The following SCAF11 variants were observed in gnomAD, a reference collection of about 807,000 sequenced individuals.
SCAF11 encodes protein SCAF11.
A neutral mutation model predicts 140.5 loss-of-function variants in SCAF11; 47 were observed. The observed-to-expected ratio is 0.33, with a 90% CI of 0.26 to 0.43. The LOEUF (loss-of-function observed/expected upper bound fraction) is 0.43, where lower values mean the gene tolerates loss of function less well. SCAF11 is among the 20% of genes least tolerant of loss of function. The pLI is 1.00. For missense variants in SCAF11, 1,645 were observed against 1,705.1 expected (o/e 0.96, Z 0.62); for synonymous variants, 557 against 579.4 (o/e 0.96, Z 0.55).
intron 1 of SCAF11, among the ~76,000 whole-genome samples, chr12:45,968,925 TAAAG>T (rs1236672585): frequency 3.9e-5 from 6 of 152,130 alleles, no homozygotes; most frequent in Non-Finnish European, 8.8e-5. Flanking sequence ...GACTCCATCT[TAAAG>T]AACACCCAAA....
intron 3 of SCAF11, among the ~76,000 whole-genome samples, chr12:45,957,747 A>T (rs1945726366): frequency 6.6e-6 from 1 of 152,174 alleles, no homozygotes; most frequent in African/African-American, 2.4e-5. Context: ...AGATATCAAG[A>T]ACATCCTCAT....
intron 1 of SCAF11, among the ~76,000 whole-genome samples, chr12:45,970,759 AC>A (rs1330213014): frequency 6.6e-6 from 1 of 152,260 alleles, no homozygotes; most frequent in Admixed American, 6.5e-5. Context: ...TCTTGTGCTT[AC>A]CAGATAAATG....
At chr12:45,973,172 T>C (rs1003851704) in intron 1 of SCAF11, among the ~76,000 whole-genome samples, 12 of 146,470 alleles carry the variant, frequency 8.2e-5, no homozygotes, top group Non-Finnish European at 1.5e-4. Flanking sequence ...GAAATAAAAA[T>C]ACACTGAATA....
intron 9 of SCAF11, among the ~76,000 whole-genome samples, chr12:45,932,905 A>C (rs1426220404): frequency 6.6e-6 from 1 of 152,164 alleles, no homozygotes; most frequent in Non-Finnish European, 1.5e-5. Flanking sequence ...TAAATCTAGC[A>C]TATACACAGC....
Position 45,926,282 on chromosome 12 carries a change from G to C in SCAF11, c.3419C>G (p.Ser1140Cys), listed in dbSNP as rs1245685294. The C allele has an allele frequency of 5.0e-6, 8 of 1,614,132 alleles. No homozygotes were observed. The highest frequency in any genetic ancestry group is 5.9e-6 in the Non-Finnish European group (7 of 1,180,020). ...EFSFDTPADR[S>C]GWTSASSWAV... is the part of the protein sequence containing the mutation. Reference sequence around the variant, plus strand: ...CCAGCTGGATGCAGATGTCCATCCAGATCTATCTGCTGGTGTATCAAATGA... The same window carrying C: ...CCAGCTGGATGCAGATGTCCATCCACATCTATCTGCTGGTGTATCAAATGA... The change falls in exon 11 of 15, where the codon TCT (serine) becomes TGT (cysteine). Residue 1140 changes from serine to cysteine, a missense_variant. Physicochemically the swap from Ser to Cys is moderately radical, Grantham distance 112. This residue lies in a region of SCAF11 where 1,582 missense variants were observed against 1,609.2 expected (regional missense o/e 0.98). Transcript: ENST00000369367.
intron 6 of SCAF11, among the ~76,000 whole-genome samples, chr12:45,935,399 G>A (rs1376462197): frequency 5.3e-5 from 8 of 152,178 alleles, no homozygotes; most frequent in Non-Finnish European, 8.8e-5. Context: ...CGAACAGGCT[G>A]AGTTCCGGAA....
At chr12:45,924,399 CAG>C (rs926584470) in intron 12 of SCAF11, among the ~76,000 whole-genome samples, 10 of 152,038 alleles carry the variant, frequency 6.6e-5, no homozygotes, top group African/African-American at 9.7e-5. Context: ...CAGTGCAAAA[CAG>C]GGGAAAAATG....
chr12:45,958,139 G>C (rs1032697326), intron 3 of SCAF11, among the ~76,000 whole-genome samples: 1 of 151,532 alleles, frequency 6.6e-6, no homozygotes, highest in Admixed American at 6.6e-5. Flanking sequence ...TCCTGGGCTC[G>C]AGTGATCCAC....
rs541631818 is a variant in SCAF11, at chr12:45,919,407, C to T, written c.*2641G>A. ...CTTTTGGAATGTTAATGGATAACTACTATTAGTCTCAAAATTCTAGGCATT... is the reference window on the plus strand; with the variant it reads ...CTTTTGGAATGTTAATGGATAACTATTATTAGTCTCAAAATTCTAGGCATT... On this transcript the variant is annotated 3_prime_UTR_variant, in exon 15 of 15. Transcript: ENST00000369367. 6.6e-6 allele frequency: 1 copy of T among 152,586 alleles called. No homozygotes were observed. The highest frequency in any genetic ancestry group is 2.1e-4 in the South Asian group (1 of 4,838). The allele number at this position is 152,586 out of a possible 1,614,324, so 9.5% of individuals were successfully genotyped here. A position where few individuals can be genotyped will look rare whatever the true frequency, so the allele number is the denominator to read the frequency against.
intron 1 of SCAF11, among the ~76,000 whole-genome samples, chr12:45,980,273 G>A (rs1680976036): frequency 6.6e-6 from 1 of 152,128 alleles, no homozygotes; most frequent in Admixed American, 6.5e-5. Context: ...TCAAATGACT[G>A]CAAAAATGTT....
At chr12:45,991,866 C>T (rs897615569), upstream of SCAF11, 7 of 1,282,602 alleles carry the variant, frequency 5.5e-6, no homozygotes, top group Non-Finnish European at 6.1e-6. Context: ...CTAAGCTCTG[C>T]TCCCCGCGCG....
At chr12:45,957,447 T>C (rs1025210449) in intron 3 of SCAF11, among the ~76,000 whole-genome samples, 4 of 152,180 alleles carry the variant, frequency 2.6e-5, no homozygotes, top group Non-Finnish European at 4.4e-5. Context: ...CCTTCACCTA[T>C]GTTGAACACT....
upstream of SCAF11, among the ~76,000 whole-genome samples, chr12:45,990,901 C>T (rs1052626046): frequency 9.2e-5 from 14 of 152,230 alleles, no homozygotes; most frequent in Admixed American, 6.5e-4. Context: ...GCCCACACTG[C>T]GGATGGTGCG....
upstream of SCAF11, among the ~76,000 whole-genome samples, chr12:45,991,547 G>C (rs1565700995): frequency 2.0e-5 from 3 of 152,154 alleles, no homozygotes; most frequent in African/African-American, 7.2e-5. Context: ...GGGCGACAGA[G>C]CGAGACCCTG....
In SCAF11 at chr12:45,961,416, T is replaced by A. The variant is rs573247097; in HGVS notation, c.219+284A>T. 1.2e-5 allele frequency: 8 copies of A among 655,480 alleles called. No individual in the cohort carries two copies. The Admixed American group carries it at 1.3e-4, about 11-fold the overall frequency. 40.6% of individuals were successfully genotyped at this position (655,480 alleles called of 1,614,324 possible). The stretch of plus-strand genomic sequence containing the variant: ...CACAGAGTCAAGTACACTGAAAAAT[T>A]AATTACTGCATTTCTACCAGAAAAA... On this transcript the variant is annotated intron_variant, in intron 3 of 14. Coordinates refer to ENST00000369367, the MANE Select transcript of SCAF11 (RefSeq NM_004719.3).
intron 1 of SCAF11, among the ~76,000 whole-genome samples, chr12:45,967,198 G>A (rs1428519605): frequency 1.3e-5 from 2 of 151,874 alleles, no homozygotes; most frequent in Non-Finnish European, 2.9e-5. Flanking sequence ...AGACCAGCCT[G>A]GGCAACACAG....
intron 5 of SCAF11, among the ~76,000 whole-genome samples, chr12:45,947,452 CA>C: frequency 1.3e-5 from 2 of 152,268 alleles, no homozygotes; most frequent in Middle Eastern, 6.8e-3. Flanking sequence ...TTATAGTAGA[CA>C]GCAAGTGCCT....
chr12:45,923,287 G>T (rs1944761082), intron 12 of SCAF11, 133 bp from the exon 13 acceptor site: 4 of 686,844 alleles, frequency 5.8e-6, no homozygotes, highest in Admixed American at 5.7e-5. Flanking sequence ...CATATTTCAG[G>T]TAATTATATC....
intron 1 of SCAF11, among the ~76,000 whole-genome samples, chr12:45,983,785 A>AC (rs1565695884): frequency 4.0e-4 from 60 of 151,082 alleles, no homozygotes; most frequent in Non-Finnish European, 7.2e-4. Context: ...ACACACACAC[A>AC]AAGACTGAAC....
Sources: allele counts gnomAD v4.1 joint callset (sites outside exome capture counted in the v4.1 genomes callset), GRCh38; gene constraint gnomAD v4.1.1; regional missense constraint gnomAD v4.1.1; transcripts MANE v1.5; gene names NCBI Gene and HGNC (gene_info 2026-07-23, HGNC 2026-07-21).